CNTLN: variants seen among roughly 807,000 people sequenced by gnomAD.
The protein encoded by CNTLN is centlein.
In CNTLN, 212 loss-of-function variants were observed where a neutral mutation model predicts 180.0. The observed-to-expected ratio is 1.18, with a 90% CI of 1.05 to 1.32. CNTLN has a LOEUF of 1.32. Among genes scored for constraint, CNTLN ranks in the 40% most tolerant of loss-of-function variants. The pLI is 0.00. For missense variants in CNTLN, 2,095 were observed against 1,610.9 expected, an observed-to-expected ratio of 1.30 and a Z score of -5.14; for synonymous variants, 722 against 563.1, an observed-to-expected ratio of 1.28 and a Z score of -3.99.
intron 8 of CNTLN, among the ~76,000 whole-genome samples, chr9:17,309,843 A>T (rs1298219607): frequency 6.6e-6 from 1 of 152,098 alleles, no homozygotes; most frequent in Non-Finnish European, 1.5e-5. Flanking sequence ...AACTCTAAAC[A>T]TCTTTAAAAA....
At chr9:17,210,298 G>A (rs913158251) in intron 2 of CNTLN, among the ~76,000 whole-genome samples, 1 of 152,160 alleles carries the variant, frequency 6.6e-6, no homozygotes, top group African/African-American at 2.4e-5. Context: ...CCACCTGTGA[G>A]TGAGAACATG....
intron 2 of CNTLN, among the ~76,000 whole-genome samples, chr9:17,156,846 A>G (rs1259158395): frequency 1.3e-5 from 2 of 152,250 alleles, no homozygotes; most frequent in Non-Finnish European, 2.9e-5. Context: ...ATAATAAAAT[A>G]GAATTGAAAG....
rs770103594 is a variant in CNTLN, at chr9:17,298,354, T to C, written c.1146+2T>C. On this transcript the variant is annotated splice_donor_variant, in intron 7 of 25. Coordinates refer to ENST00000380647, the MANE Select transcript of CNTLN (RefSeq NM_017738.4). LOFTEE classifies it high-confidence loss of function. Reference sequence around the variant, plus strand: ...GCTGAAAGTATATCATATCAAAAAGTATGCTTTTATTCTGTAATAAAGATG... The same window carrying C: ...GCTGAAAGTATATCATATCAAAAAGCATGCTTTTATTCTGTAATAAAGATG... 6.2e-7 allele frequency: 1 copy of C among 1,608,236 alleles called. No individual in the cohort carries two copies. Among genetic ancestry groups the C allele is most frequent in the African/African-American group, 1.3e-5 (1 of 74,644 alleles).
chr9:17,517,698 C>T, the CNTLN span, among the ~76,000 whole-genome samples: 1 of 152,060 alleles, frequency 6.6e-6, no homozygotes, highest in Non-Finnish European at 1.5e-5. Flanking sequence ...TCCAGCAAGG[C>T]CATTGGAGGG....
chr9:17,225,328 C>T lies in CNTLN; in HGVS notation c.450-875C>T, dbSNP rs2039414. 7.1e-3 allele frequency among the ~76,000 whole-genome samples: 1,086 copies of T among 152,118 alleles called. 25 individuals carry two copies. The highest frequency in any genetic ancestry group is 0.051 in the East Asian group (262 of 5,168). ...CCCCAGAAGTCAAGCTCCTTTCCAC[C>T]TCAGCCTGCATCTGGCTCTGGGGGA... On this transcript the variant is annotated intron_variant, in intron 2 of 25. Coordinates refer to ENST00000380647, the MANE Select transcript of CNTLN (RefSeq NM_017738.4).
At chr9:17,456,655 A>AGAGATTTCAGT (rs1379811387) in intron 18 of CNTLN, among the ~76,000 whole-genome samples, 2 of 152,080 alleles carry the variant, frequency 1.3e-5, no homozygotes, top group African/African-American at 2.4e-5. Context: ...TCCCCCTCTG[A>AGAGATTTCAGT]GAGATTTCAG....
intron 2 of CNTLN, among the ~76,000 whole-genome samples, chr9:17,224,928 A>G (rs1824369545): frequency 6.6e-6 from 1 of 151,838 alleles, no homozygotes; most frequent in African/African-American, 2.4e-5. Flanking sequence ...AAGAGGGAAG[A>G]TTGCTGTTAT....
Position 17,298,266 on chromosome 9 carries a change from C to CA in CNTLN, c.1061dup (p.Leu355AlafsTer22). The CA allele has an allele frequency of 1.2e-6, 2 of 1,613,370 alleles. No homozygotes were observed. The highest frequency in any genetic ancestry group is 8.5e-7 in the Non-Finnish European group (1 of 1,179,728). On this transcript the variant is annotated frameshift_variant, in exon 7 of 26. Coordinates refer to ENST00000380647, the MANE Select transcript of CNTLN (RefSeq NM_017738.4). LOFTEE classifies it high-confidence loss of function. Reference sequence around the variant, plus strand: ...AGCCCAGCAAGCAGAGCTGATCCAGCAGCTTCAGGTTCTCAATATGGACAC... The same window carrying CA: ...AGCCCAGCAAGCAGAGCTGATCCAGCAAGCTTCAGGTTCTCAATATGGACAC...
chr9:17,420,552 T>C (rs1447229160), intron 18 of CNTLN, among the ~76,000 whole-genome samples: 1 of 152,162 alleles, frequency 6.6e-6, no homozygotes, highest in Non-Finnish European at 1.5e-5. Context: ...TTTAATTTCA[T>C]TTATTTCTTC....
intron 25 of CNTLN, among the ~76,000 whole-genome samples, chr9:17,498,231 A>G (rs1168744270): frequency 6.6e-6 from 1 of 152,090 alleles, no homozygotes; most frequent in Admixed American, 6.6e-5. Flanking sequence ...ATTAATGCTG[A>G]TGTAATAAGT....
At chr9:17,360,749 A>C (rs1382712985) in intron 12 of CNTLN, among the ~76,000 whole-genome samples, 6 of 152,132 alleles carry the variant, frequency 3.9e-5, no homozygotes, top group Non-Finnish European at 8.8e-5. Context: ...ATTTATTTTT[A>C]ATTTTATTAT....
chr9:17,457,427 A>G (rs1831194878), intron 18 of CNTLN, 97 bp from the exon 19 acceptor site: 1 of 663,066 alleles, frequency 1.5e-6, no homozygotes, highest in African/African-American at 1.9e-5. Flanking sequence ...TCTCTTTAAT[A>G]TTTTCCTAGC....
chr9:17,318,397 G>A (rs1819679416), intron 8 of CNTLN, among the ~76,000 whole-genome samples: 1 of 152,180 alleles, frequency 6.6e-6, no homozygotes, highest in African/African-American at 2.4e-5. Context: ...AGGCAAGGAA[G>A]AGAGGAGGGA....
intron 7 of CNTLN, 116 bp downstream of exon 7, chr9:17,298,468 T>C: frequency 2.2e-6 from 3 of 1,342,574 alleles, no homozygotes; most frequent in Non-Finnish European, 2.9e-6. Flanking sequence ...TTTACATGTG[T>C]TTCCTCAAAA....
chr9:17,163,657 T>C (rs1000258014), intron 2 of CNTLN, among the ~76,000 whole-genome samples: 5 of 152,192 alleles, frequency 3.3e-5, no homozygotes, highest in Admixed American at 2.0e-4. Context: ...AACAAGCAAA[T>C]GCATGATATT....
At chr9:17,300,983 G>T (rs1818304007) in intron 7 of CNTLN, 1 of 983,414 alleles carries the variant, frequency 1.0e-6, no homozygotes, top group Non-Finnish European at 1.2e-6. Flanking sequence ...ACATTAAATG[G>T]TAGAAGCAAG....
At chr9:17,501,510 C>T (rs954018229) in intron 25 of CNTLN, among the ~76,000 whole-genome samples, 3 of 152,182 alleles carry the variant, frequency 2.0e-5, no homozygotes, top group African/African-American at 4.8e-5. Flanking sequence ...ATTATAGACA[C>T]CTTAGCGGAG....
rs529330344 is a variant in CNTLN at position 17,345,767 on chromosome 9, A to G, written c.1886+3323A>G. On this transcript the variant is annotated intron_variant, in intron 12 of 25. Coordinates refer to ENST00000380647, the MANE Select transcript of CNTLN (RefSeq NM_017738.4). ...TGCTTCAACTGTCAAACATAATTAT[A>G]AACCACAAAACATGGGTCGTCTCTT... 5.3e-5 allele frequency among the ~76,000 whole-genome samples: 8 copies of G among 152,240 alleles called. No homozygotes were observed. In the South Asian group the frequency reaches 1.7e-3, roughly 32 times the overall value.
chr9:17,403,891 T>A (rs1300243923), intron 15 of CNTLN, among the ~76,000 whole-genome samples: 1 of 151,904 alleles, frequency 6.6e-6, no homozygotes, highest in East Asian at 1.9e-4. Flanking sequence ...TTCTCGTGCT[T>A]CAGCCTCCCA....
Sources: allele counts gnomAD v4.1 joint callset (sites outside exome capture counted in the v4.1 genomes callset), GRCh38; gene constraint gnomAD v4.1.1; transcripts MANE v1.5; gene names NCBI Gene and HGNC (gene_info 2026-07-23, HGNC 2026-07-21).